Variants in JRK observed in about 807,000 individuals in gnomAD.
JRK encodes the protein Jrk helix-turn-helix protein.
For missense variants in JRK, 720 were observed against 509.2 expected (o/e 1.41, Z -3.98); for synonymous variants, 303 against 218.1 (o/e 1.39, Z -3.43).
Position 142,664,129 on chromosome 8 carries a change from C to A in JRK, c.*223G>T. On this transcript the variant is annotated 3_prime_UTR_variant, in exon 2 of 2. Transcript: ENST00000612905. ...CCCTTCCAAAACATTTCCTCACTTT[C>A]GGATGACACGGCAAGTGATAAAATA... is the stretch of plus-strand genomic sequence containing the variant. The A allele has an allele frequency of 7.5e-7, 1 of 1,324,922 alleles. No homozygotes were observed. The allele number at this position is 1,324,922 out of a possible 1,614,324, so 82.1% of individuals were successfully genotyped here.
At chr8:142,650,733 G>A in the JRK span, among the ~76,000 whole-genome samples, 5 of 152,170 alleles carry the variant, frequency 3.3e-5, no homozygotes, top group East Asian at 1.9e-4. Context: ...GCCCAGTTTC[G>A]GGCATGTCTT....
At position 142,660,248 on chromosome 8, in the gene JRK, G is replaced by C; in HGVS notation, c.*4104C>G. 1 of 985,714 alleles carries C rather than the reference G, an allele frequency of 1.0e-6. No individual in the cohort carries two copies. Among genetic ancestry groups the C allele is most frequent in the Non-Finnish European group, 1.2e-6 (1 of 830,170 alleles). The allele number at this position is 985,714 out of a possible 1,614,324, so 61.1% of individuals were successfully genotyped here. ...CCCAGAGGGGGCTGGGTAAGCAGCA[G>C]AAGTGCAGAAGCCCTGCCCAGGCCC... On this transcript the variant is annotated 3_prime_UTR_variant, in exon 2 of 2. Coordinates refer to ENST00000612905, the MANE Select transcript of JRK (RefSeq NM_003724.4).
chr8:142,669,102 T>C (rs1847227017), intron 1 of JRK, among the ~76,000 whole-genome samples: 1 of 151,554 alleles, frequency 6.6e-6, no homozygotes, highest in African/African-American at 2.4e-5. Context: ...CCGTCCTGTG[T>C]GAGGCTAAGA....
chr8:142,653,161 A>G (rs2129657837), downstream of JRK, among the ~76,000 whole-genome samples: 1 of 152,238 alleles, frequency 6.6e-6, no homozygotes, highest in East Asian at 1.9e-4. Flanking sequence ...TTTGGGAGAA[A>G]TTTAGTTTGT....
chr8:142,647,313 G>C, the JRK span, among the ~76,000 whole-genome samples: 2 of 152,014 alleles, frequency 1.3e-5, no homozygotes, highest in Admixed American at 1.3e-4. Flanking sequence ...AAAATGAAGG[G>C]GAGGCAGCGG....
rs1454591037 is a variant in JRK, at chr8:142,659,764, G to C, written c.*4588C>G. The C allele has an allele frequency of 4.1e-6, 4 of 985,404 alleles. No homozygotes were observed. In the African/African-American group the frequency reaches 7.0e-5, roughly 17 times the overall value. The allele number at this position is 985,404 out of a possible 1,614,324, so 61.0% of individuals were successfully genotyped here. On this transcript the variant is annotated 3_prime_UTR_variant, in exon 2 of 2. Coordinates refer to ENST00000612905, the MANE Select transcript of JRK (RefSeq NM_003724.4). The stretch of plus-strand genomic sequence containing the variant: ...GGTCATGCAGCTGGTGAACAGCAGG[G>C]AGTGAGCAGTGGAGAACGTGAGGCT...
At chr8:142,648,067 A>C in the JRK span, among the ~76,000 whole-genome samples, 1 of 152,242 alleles carries the variant, frequency 6.6e-6, no homozygotes, top group Admixed American at 6.5e-5. Context: ...TGAACTTGAG[A>C]GAGATGATTT....
chr8:142,650,884 T>C, the JRK span, among the ~76,000 whole-genome samples: 1 of 152,180 alleles, frequency 6.6e-6, no homozygotes, highest in Non-Finnish European at 1.5e-5. Context: ...AATTAAGTGG[T>C]TTAAGGACTG....
downstream of JRK, among the ~76,000 whole-genome samples, chr8:142,655,537 A>T (rs1846732354): frequency 6.6e-6 from 1 of 152,156 alleles, no homozygotes; most frequent in South Asian, 2.1e-4. Context: ...AAAAGCGGGG[A>T]ATCACAGGCA....
chr8:142,662,526 C>A lies in JRK; in HGVS notation c.*1826G>T. 1.0e-6 allele frequency: 1 copy of A among 985,476 alleles called. No homozygotes were observed. Among genetic ancestry groups the A allele is most frequent in the Non-Finnish European group, 1.2e-6 (1 of 829,962 alleles). The allele number at this position is 985,476 out of a possible 1,614,324, so 61.0% of individuals were successfully genotyped here. ...AACAGTGCGGGTGACACCACAAAGA[C>A]AATGGGACACAAATGGGAACTGGGA... On this transcript the variant is annotated 3_prime_UTR_variant, in exon 2 of 2. Coordinates refer to ENST00000612905, the MANE Select transcript of JRK (RefSeq NM_003724.4).
the JRK span, among the ~76,000 whole-genome samples, chr8:142,648,254 C>T: frequency 2.0e-5 from 3 of 152,216 alleles, no homozygotes; most frequent in Admixed American, 6.5e-5. Context: ...AAGCCAGCTG[C>T]AGAAATTTGC....
chr8:142,645,546 G>C, the JRK span, among the ~76,000 whole-genome samples: 1 of 152,076 alleles, frequency 6.6e-6, no homozygotes, highest in Non-Finnish European at 1.5e-5. Flanking sequence ...TGGGCATGGT[G>C]GTGGGTGCCT....
In JRK at chr8:142,664,761, C is replaced by T. The variant is rs782252872; in HGVS notation, c.1298G>A (p.Arg433His). ...CCCCCAGCTGGCGGCCTGGCGCTGGCGAAGCTGGCCCGGGCAGGAGGAGCC... is the reference window on the plus strand; with the variant it reads ...CCCCCAGCTGGCGGCCTGGCGCTGGTGAAGCTGGCCCGGGCAGGAGGAGCC... ...KEGSSCPGQL[R>H]QRQAASWGVA... Residue 433 changes from arginine to histidine, a missense_variant, in exon 2 of 2, where the codon CGC (arginine) becomes CAC (histidine). Transcript: ENST00000612905. 2.5e-5 allele frequency: 40 copies of T among 1,590,442 alleles called. No homozygotes were observed. The highest frequency in any genetic ancestry group is 1.6e-4 in the Middle Eastern group (1 of 6,062).
the JRK span, among the ~76,000 whole-genome samples, chr8:142,651,763 G>A: frequency 3.9e-5 from 6 of 152,144 alleles, no homozygotes; most frequent in Admixed American, 3.9e-4. Flanking sequence ...CTAACAGTAA[G>A]CAGAAATTAA....
downstream of JRK, among the ~76,000 whole-genome samples, chr8:142,654,524 G>C (rs1846715677): frequency 6.6e-6 from 1 of 151,804 alleles, no homozygotes; most frequent in African/African-American, 2.4e-5. Flanking sequence ...CTACCCCCAG[G>C]GCTACCCCAG....
Position 142,666,167 on chromosome 8 carries a change from C to T in JRK, c.-109G>A. On this transcript the variant is annotated 5_prime_UTR_variant, in exon 2 of 2. Transcript: ENST00000612905. ...CTTCTGGGGCTCCGTCTCTCCCTCT[C>T]CACTCTGCCTGCCTGCTCTGCTGAT... The T allele has an allele frequency of 6.5e-7, 1 of 1,540,710 alleles. No homozygotes were observed. The highest frequency in any genetic ancestry group is 8.8e-7 in the Non-Finnish European group (1 of 1,140,892).
intron 1 of JRK, among the ~76,000 whole-genome samples, chr8:142,667,210 A>G (rs1351391398): frequency 6.6e-6 from 1 of 150,606 alleles, no homozygotes; most frequent in Non-Finnish European, 1.5e-5. Flanking sequence ...CCTGACTGCC[A>G]CACACTCAGA....
At chr8:142,646,239 C>G in the JRK span, among the ~76,000 whole-genome samples, 34 of 152,286 alleles carry the variant, frequency 2.2e-4, no homozygotes, top group African/African-American at 7.2e-4. Context: ...AAGATTTGAC[C>G]TAACTGACTC....
Position 142,659,554 on chromosome 8 carries a change from C to T in JRK, c.*4798G>A, listed in dbSNP as rs1367401257. On this transcript the variant is annotated 3_prime_UTR_variant, in exon 2 of 2. Coordinates refer to ENST00000612905, the MANE Select transcript of JRK (RefSeq NM_003724.4). Reference sequence around the variant, plus strand: ...CCACAATCTGCCCCTGGGTGCAGGGCCTTGAGCAGGGAGGCCATCGTGCTG... The same window carrying T: ...CCACAATCTGCCCCTGGGTGCAGGGTCTTGAGCAGGGAGGCCATCGTGCTG... 4.1e-6 allele frequency: 4 copies of T among 985,526 alleles called. No individual in the cohort carries two copies. In the African/African-American group the frequency reaches 7.0e-5, roughly 17 times the overall value. 61.0% of individuals were successfully genotyped at this position (985,526 alleles called of 1,614,324 possible).
Sources: allele counts gnomAD v4.1 joint callset (sites outside exome capture counted in the v4.1 genomes callset), GRCh38; gene constraint gnomAD v4.1.1; transcripts MANE v1.5; gene names NCBI Gene and HGNC (gene_info 2026-07-23, HGNC 2026-07-21).